DCLRE1C: variants seen among roughly 807,000 people sequenced by gnomAD.
DCLRE1C encodes protein artemis.
DCLRE1C carries 47 observed loss-of-function variants against 61.4 expected under a neutral mutation model. The ratio of observed to expected loss-of-function variants is 0.77; its 90% confidence interval spans 0.61 to 0.98. DCLRE1C has a LOEUF of 0.98. DCLRE1C is among the 50% of genes least tolerant of loss of function. The probability of loss-of-function intolerance (pLI) is 0.00; values close to 1 mark genes in which losing one functional copy is unlikely to be tolerated. For missense variants in DCLRE1C, 858 were observed against 816.0 expected, an observed-to-expected ratio of 1.05 and a Z score of -0.63; for synonymous variants, 337 against 287.6, an observed-to-expected ratio of 1.17 and a Z score of -1.74.
chr10:14,899,501 A>T, intron 13 of DCLRE1C: 1 of 1,605,262 alleles, frequency 6.2e-7, no homozygotes, highest in South Asian at 1.1e-5. Flanking sequence ...TCTTTGGTTC[A>T]GTAGCTACGT....
At position 14,942,492 on chromosome 10, in the gene DCLRE1C, A is replaced by G. The variant is rs1442977835; in HGVS notation, c.246+2613T>C. The G allele has an allele frequency of 2.0e-5, 3 of 152,362 alleles. No individual in the cohort carries two copies. The East Asian group carries it at 5.8e-4, about 29-fold the overall frequency. The allele number at this position is 152,362 out of a possible 1,614,324, so 9.4% of individuals were successfully genotyped here. On this transcript the variant is annotated intron_variant, in intron 3 of 13. Coordinates refer to ENST00000378278, the MANE Select transcript of DCLRE1C (RefSeq NM_001033855.3). Reference sequence around the variant, plus strand: ...CAAAGGTCAGATGTGGAGGTGGATGATATCATGCACACAAACACACGTGCA... The same window carrying G: ...CAAAGGTCAGATGTGGAGGTGGATGGTATCATGCACACAAACACACGTGCA...
At position 14,906,313 on chromosome 10, in the gene DCLRE1C, T is replaced by C. The variant is rs1210598424; in HGVS notation, c.*2095A>G. Among the ~76,000 whole-genome samples, 1 of 152,220 alleles carries C rather than the reference T, an allele frequency of 6.6e-6. No homozygotes were observed. Among genetic ancestry groups the C allele is most frequent in the African/African-American group, 2.4e-5 (1 of 41,458 alleles). On this transcript the variant is annotated 3_prime_UTR_variant, in exon 14 of 14. Transcript: ENST00000378278. ...GAGCATCATCAGAGTAAGCACCAAA[T>C]ATAATTTCTGGTAATCACTATCGGT...
At chr10:14,951,886 T>G (rs548082281) in intron 1 of DCLRE1C, among the ~76,000 whole-genome samples, 6 of 152,244 alleles carry the variant, frequency 3.9e-5, no homozygotes, top group Non-Finnish European at 7.4e-5. Flanking sequence ...GTGGAGATAG[T>G]CCATATCATA....
intron 11 of DCLRE1C, among the ~76,000 whole-genome samples, 168 bp downstream of exon 11, chr10:14,926,675 G>T (rs1838040939): frequency 7.0e-6 from 1 of 142,654 alleles, no homozygotes; most frequent in Non-Finnish European, 1.6e-5. Flanking sequence ...AAAAAAAAAA[G>T]GAATCCATGA....
chr10:14,923,153 G>C (rs1837400392), intron 11 of DCLRE1C, 84 bp from the exon 12 acceptor site: 7 of 1,027,846 alleles, frequency 6.8e-6, no homozygotes, highest in African/African-American at 1.6e-5. Flanking sequence ...TGGGGAAAGA[G>C]AAGCAGAACT....
intron 13 of DCLRE1C, among the ~76,000 whole-genome samples, chr10:14,915,047 A>G (rs1426833203): frequency 6.6e-6 from 1 of 152,150 alleles, no homozygotes; most frequent in Non-Finnish European, 1.5e-5. Context: ...ACTAGTAACA[A>G]ATTTCTAAAT....
At chr10:14,944,956 T>C (rs1841454097) in intron 3 of DCLRE1C, 149 bp downstream of exon 3, 1 of 583,048 alleles carries the variant, frequency 1.7e-6, no homozygotes, top group African/African-American at 1.9e-5. Context: ...ATTATAGGTG[T>C]AAGCCACCAT....
Position 14,932,888 on chromosome 10 carries a change from C to T in DCLRE1C, c.746G>A (p.Arg249His), listed in dbSNP as rs374838779. The T allele has an allele frequency of 2.0e-5, 33 of 1,614,058 alleles. No homozygotes were observed. In the African/African-American group the frequency reaches 2.7e-4, roughly 13 times the overall value. The change falls in exon 9 of 14, where the codon CGC becomes CAC. Residue 249 changes from arginine to histidine, a missense_variant. Arg to His is a conservative substitution (Grantham distance 29). This residue lies in a region of DCLRE1C where 843 missense variants were observed against 783.5 expected (regional missense o/e 1.08). Coordinates refer to ENST00000378278, the MANE Select transcript of DCLRE1C (RefSeq NM_001033855.3). ...CCGGCATGCATGGATCTGAGTGTTG[C>T]GGTCTGTTGTGAGATGATGAAGGAT... ...PEILHHLTTDRNTQIHACRHP... is the reference protein window; with the variant it reads ...PEILHHLTTDHNTQIHACRHP...
In DCLRE1C at chr10:14,949,042, T is replaced by C. The variant is rs1423733479; in HGVS notation, c.155A>G (p.Glu52Gly). The change falls in exon 2 of 14, where the codon GAG (glutamate) becomes GGG (glycine). Residue 52 changes from glutamate to glycine, a missense_variant. Glu to Gly is a moderately conservative substitution (Grantham distance 98). Coordinates refer to ENST00000378278, the MANE Select transcript of DCLRE1C (RefSeq NM_001033855.3). Reference sequence around the variant, plus strand: ...AAGTAGCAAAATAAATTACCTGCACTCCAACCTTCTTTTCAAGGTAGGGGC... The same window carrying C: ...AAGTAGCAAAATAAATTACCTGCACCCCAACCTTCTTTTCAAGGTAGGGGC... ...LRAPTLKRRL[E>G]CSLKVYLYCS... 6.2e-7 allele frequency: 1 copy of C among 1,610,230 alleles called. No individual in the cohort carries two copies. Among genetic ancestry groups the C allele is most frequent in the Non-Finnish European group, 8.5e-7 (1 of 1,176,726 alleles).
intron 9 of DCLRE1C, among the ~76,000 whole-genome samples, chr10:14,928,888 G>T (rs1180030615): frequency 6.6e-6 from 1 of 151,112 alleles, no homozygotes; most frequent in African/African-American, 2.4e-5. Context: ...GTTCAAGCAA[G>T]TCTCATGTGT....
chr10:14,954,132 C>T, upstream of DCLRE1C: 2 of 1,532,146 alleles, frequency 1.3e-6, no homozygotes, highest in South Asian at 2.3e-5. Flanking sequence ...CGAACGCAGC[C>T]ACGTCCAATC....
chr10:14,907,391 A>G lies in DCLRE1C; in HGVS notation c.*1017T>C, dbSNP rs1834498098. Among the ~76,000 whole-genome samples the G allele has an allele frequency of 6.6e-6, 1 of 151,408 alleles. No homozygotes were observed. Among genetic ancestry groups the G allele is most frequent in the Non-Finnish European group, 1.5e-5 (1 of 67,910 alleles). ...TGTACTTCAGGAGATACATTCTGCT[A>G]GTTTGGGGTGGTGTGTTCTATAAAT... On this transcript the variant is annotated 3_prime_UTR_variant, in exon 14 of 14. Transcript: ENST00000378278.
In DCLRE1C at chr10:14,931,841, C is replaced by T. The variant is rs189806815; in HGVS notation, c.780+1013G>A. 5.6e-3 allele frequency among the ~76,000 whole-genome samples: 857 copies of T among 152,192 alleles called. 2 individuals are homozygous for T. Among genetic ancestry groups the T allele is most frequent in the Admixed American group, 9.4e-3 (144 of 15,284 alleles). On this transcript the variant is annotated intron_variant, in intron 9 of 13. Transcript: ENST00000378278. Reference sequence around the variant, plus strand: ...ATCACTTGAGATCAGGAGTTCAAGACCCCCCTGGCCAACATGGCGAAACCC... The same window carrying T: ...ATCACTTGAGATCAGGAGTTCAAGATCCCCCTGGCCAACATGGCGAAACCC...
At chr10:14,944,674 T>TC (rs918197753) in intron 3 of DCLRE1C, among the ~76,000 whole-genome samples, 1 of 106,276 alleles carries the variant, frequency 9.4e-6, no homozygotes, top group African/African-American at 3.5e-5. Context: ...TTTTTTTTTC[T>TC]TTTTTTTTTT....
chr10:14,928,731 G>T (rs1030221588), intron 9 of DCLRE1C, among the ~76,000 whole-genome samples: 2 of 151,950 alleles, frequency 1.3e-5, no homozygotes, highest in African/African-American at 4.8e-5. Flanking sequence ...AGAGACAGAG[G>T]AAGAGAGGTG....
rs1290465525 is a variant in DCLRE1C at position 14,907,580 on chromosome 10, GC to G, written c.*827del. Among the ~76,000 whole-genome samples the G allele has an allele frequency of 7.2e-5, 11 of 152,144 alleles. No homozygotes were observed. In the East Asian group the frequency reaches 2.1e-3, roughly 29 times the overall value. On this transcript the variant is annotated 3_prime_UTR_variant, in exon 14 of 14. Transcript: ENST00000378278. ...TGTTCTAGCTTCATAAATTTTTGGA[GC>G]TGTTAGGTGCATATACGTTTAGGAT... is the stretch of plus-strand genomic sequence containing the variant.
chr10:14,940,174 C>T (rs1840632582), intron 3 of DCLRE1C, among the ~76,000 whole-genome samples: 2 of 152,128 alleles, frequency 1.3e-5, no homozygotes, highest in Non-Finnish European at 2.9e-5. Context: ...CTCCCATTCC[C>T]CTCTCTCTCT....
chr10:14,931,332 G>A (rs1838948190), intron 9 of DCLRE1C, among the ~76,000 whole-genome samples: 2 of 152,110 alleles, frequency 1.3e-5, no homozygotes, highest in South Asian at 2.1e-4. Context: ...AGGCCAAGGT[G>A]TGTGGTCACG....
intron 1 of DCLRE1C, among the ~76,000 whole-genome samples, chr10:14,951,388 T>TA (rs1842431172): frequency 2.9e-5 from 1 of 34,534 alleles, no homozygotes; most frequent in African/African-American, 1.6e-4. Context: ...AAACCCTGTC[T>TA]CAAAAAAAAA....
Sources: allele counts gnomAD v4.1 joint callset (sites outside exome capture counted in the v4.1 genomes callset), GRCh38; gene constraint gnomAD v4.1.1; regional missense constraint gnomAD v4.1.1; transcripts MANE v1.5; gene names NCBI Gene and HGNC (gene_info 2026-07-23, HGNC 2026-07-21).